The following SLC29A4 variants were observed in gnomAD, a reference collection of about 807,000 sequenced individuals.
The protein encoded by SLC29A4 is equilibrative nucleoside transporter 4.
A neutral mutation model predicts 43.9 loss-of-function variants in SLC29A4; 36 were observed. The ratio of observed to expected loss-of-function variants is 0.82; its 90% confidence interval spans 0.63 to 1.08. The LOEUF (loss-of-function observed/expected upper bound fraction) is 1.08. Among genes scored for constraint, SLC29A4 ranks in the 50% least tolerant of loss-of-function variants. The pLI, the probability that SLC29A4 is intolerant of heterozygous loss-of-function variation, is 0.00. For synonymous variants in SLC29A4, 491 were observed against 338.0 expected (o/e 1.45, Z -4.97); for missense variants, 869 against 755.3 (o/e 1.15, Z -1.77).
rs1363992071 is a variant in SLC29A4 at position 5,296,961 on chromosome 7, G to C, written c.645G>C (p.Leu215=). The C allele has an allele frequency of 3.1e-6, 5 of 1,590,322 alleles. No homozygotes were observed. Among genetic ancestry groups the C allele is most frequent in the Middle Eastern group, 2.2e-4 (1 of 4,476 alleles). The part of the protein sequence containing the change: ...GESTAGVMIS[L]SRILTKLLLP... ...GCACGGCGGGCGTGATGATCTCTCT[G>C]AGCCGCATCCTCACGAAGCTGCTGC... Residue 215 remains leucine, a synonymous_variant, in exon 7 of 11, where the codon CTG becomes CTC. Transcript: ENST00000396872.
chr7:5,293,645 C>G (rs559802699), intron 5 of SLC29A4, among the ~76,000 whole-genome samples: 12 of 151,942 alleles, frequency 7.9e-5, no homozygotes, highest in Non-Finnish European at 1.3e-4. Context: ...AATGCTGTGA[C>G]TAGATTTTAT....
chr7:5,297,087 C>T lies in SLC29A4; in HGVS notation c.771C>T (p.Phe257=), dbSNP rs769810424. 1.1e-5 allele frequency: 18 copies of T among 1,607,832 alleles called. No homozygotes were observed. The highest frequency in any genetic ancestry group is 6.7e-5 in the African/African-American group (5 of 74,890). ...ACCTGTTAGTGCGGCGCAGCCGCTT[C>T]GTGCTCTTCTATACCACACGGCCGC... The part of the protein sequence containing the change: ...LLHLLVRRSR[F]VLFYTTRPRD... The change falls in exon 7 of 11, where the codon TTC becomes TTT. Residue 257 remains phenylalanine, a synonymous_variant. Transcript: ENST00000396872.
At chr7:5,291,409 C>A (rs1785302619) in intron 4 of SLC29A4, among the ~76,000 whole-genome samples, 172 bp downstream of exon 4, 1 of 152,222 alleles carries the variant, frequency 6.6e-6, no homozygotes, top group Admixed American at 6.5e-5. Flanking sequence ...CCTCTGTACC[C>A]CAAGTCATGT....
At chr7:5,292,690 C>CGTTTTTTTTTTTTT in intron 5 of SLC29A4, among the ~76,000 whole-genome samples, 1 of 67,402 alleles carries the variant, frequency 1.5e-5, no homozygotes, top group Non-Finnish European at 2.6e-5. Flanking sequence ...CATTTTTTTC[C>CGTTTTTTTTTTTTT]TTTTTTTTTT....
rs1308557315 is a variant in SLC29A4 at position 5,306,572 on chromosome 7, G to C, written c.*3633G>C. On this transcript the variant is annotated 3_prime_UTR_variant, in exon 11 of 11. Transcript: ENST00000396872. ...TGGTCTCGAACTCCTGACTTCAAGT[G>C]ATCCGCCTGCCTTGGCCTCCCAAAG... 6.6e-6 allele frequency: 1 copy of C among 152,002 alleles called. No individual in the cohort carries two copies. Among genetic ancestry groups the C allele is most frequent in the African/African-American group, 2.4e-5 (1 of 41,378 alleles). The allele number at this position is 152,002 out of a possible 1,614,324, so 9.4% of individuals were successfully genotyped here.
chr7:5,284,338 G>C (rs1186676095), intron 1 of SLC29A4, among the ~76,000 whole-genome samples: 1 of 152,150 alleles, frequency 6.6e-6, no homozygotes, highest in African/African-American at 2.4e-5. Flanking sequence ...GTGCAGCTGA[G>C]CCTACCCCAC....
rs938158764 is a variant in SLC29A4, at chr7:5,284,329, T to C, written c.-9+1247T>C. ...GTGCAACTGTTGAATGCCTACTGTGTGCAGCTGAGCCTACCCCACCAGCCA... is the reference window on the plus strand; with the variant it reads ...GTGCAACTGTTGAATGCCTACTGTGCGCAGCTGAGCCTACCCCACCAGCCA... On this transcript the variant is annotated intron_variant, in intron 1 of 10. Transcript: ENST00000396872. Among the ~76,000 whole-genome samples, 9 of 152,230 alleles carry C rather than the reference T, an allele frequency of 5.9e-5. 1 individual carries two copies. The highest frequency in any genetic ancestry group is 3.9e-4 in the Admixed American group (6 of 15,296).
rs185981556 is a variant in SLC29A4 at position 5,299,319 on chromosome 7, G to A, written c.1101G>A (p.Thr367=). 8.7e-6 allele frequency: 14 copies of A among 1,612,014 alleles called. No homozygotes were observed. The highest frequency in any genetic ancestry group is 2.1e-4 in the Middle Eastern group (1 of 4,736). ...CCATCGCCGTGACCTACTTCATCAC[G>A]CTGTGCCTGTTCCCCGGCCTCGAGT... is the stretch of plus-strand genomic sequence containing the variant. The part of the protein sequence containing the change: ...MLSIAVTYFI[T]LCLFPGLESE... Residue 367 remains threonine (T), a synonymous_variant, in exon 9 of 11, where the codon ACG becomes ACA. Coordinates refer to ENST00000396872, the MANE Select transcript of SLC29A4 (RefSeq NM_153247.4).
chr7:5,290,395 C>T (rs1562443815), intron 2 of SLC29A4, among the ~76,000 whole-genome samples: 4 of 152,116 alleles, frequency 2.6e-5, no homozygotes, highest in African/African-American at 9.7e-5. Context: ...TGGGGTTTCA[C>T]CATGTTGGCC....
chr7:5,297,807 G>C (rs1785818064), intron 7 of SLC29A4, among the ~76,000 whole-genome samples: 1 of 152,196 alleles, frequency 6.6e-6, no homozygotes. Context: ...GGGAGGGCCA[G>C]GGGCTTGGTT....
intron 2 of SLC29A4, among the ~76,000 whole-genome samples, chr7:5,290,077 G>A (rs1158965065): frequency 8.9e-5 from 12 of 134,196 alleles, no homozygotes; most frequent in South Asian, 2.3e-4. Context: ...TTTTTGAGAC[G>A]GAGTCTCACT....
chr7:5,295,449 A>C (rs1562449035), intron 6 of SLC29A4, among the ~76,000 whole-genome samples: 1 of 151,964 alleles, frequency 6.6e-6, no homozygotes, highest in Non-Finnish European at 1.5e-5. Flanking sequence ...CTTCTCAGCA[A>C]ATGGCACCCC....
In SLC29A4 at chr7:5,302,976, G is replaced by T. The variant is rs767434849; in HGVS notation, c.*37G>T. ...CCACTGCCAGGGACGCCGAGGGCCT[G>T]ACCAGGGGCCCCGAGGCCTGAGGGC... On this transcript the variant is annotated 3_prime_UTR_variant, in exon 11 of 11. Transcript: ENST00000396872. 24 of 1,587,122 alleles carry T rather than the reference G, an allele frequency of 1.5e-5. No homozygotes were observed. Among genetic ancestry groups the T allele is most frequent in the Admixed American group, 1.4e-4 (8 of 56,328 alleles).
In SLC29A4 at chr7:5,284,377, C is replaced by T. The variant is rs548801497; in HGVS notation, c.-9+1295C>T. On this transcript the variant is annotated intron_variant, in intron 1 of 10. Transcript: ENST00000396872. The stretch of plus-strand genomic sequence containing the variant: ...CCACCCACCCAGTCCCTGTTTGTGA[C>T]GTACTCTCACCCTCTTCTTCCTCTA... Among the ~76,000 whole-genome samples the T allele has an allele frequency of 9.2e-5, 14 of 152,306 alleles. No homozygotes were observed. In the South Asian group the frequency reaches 1.0e-3, roughly 11 times the overall value.
intron 10 of SLC29A4, among the ~76,000 whole-genome samples, chr7:5,302,375 A>G (rs951069756): frequency 2.0e-5 from 3 of 152,152 alleles, no homozygotes; most frequent in African/African-American, 7.2e-5. Flanking sequence ...CGGAGTCTCT[A>G]CAAAAAAATT....
intron 5 of SLC29A4, among the ~76,000 whole-genome samples, chr7:5,293,504 A>T (rs60686412): frequency 0.057 from 8,618 of 152,082 alleles, 802 homozygotes; most frequent in African/African-American, 0.19. Flanking sequence ...TTTGACCATG[A>T]CTTCCAGGAA....
At chr7:5,294,584 A>G (rs1361881237) in intron 5 of SLC29A4, among the ~76,000 whole-genome samples, 2 of 152,140 alleles carry the variant, frequency 1.3e-5, no homozygotes, top group African/African-American at 4.8e-5. Flanking sequence ...GGAAGAAGAA[A>G]GGTTGAAAGT....
intron 10 of SLC29A4, among the ~76,000 whole-genome samples, chr7:5,302,475 C>T (rs1433430042): frequency 6.6e-6 from 1 of 152,108 alleles, no homozygotes; most frequent in Admixed American, 6.5e-5. Flanking sequence ...CCCAGGAGGT[C>T]AAGGCTGCAG....
chr7:5,293,162 CTTTTTTTT>C (rs58758343), intron 5 of SLC29A4, among the ~76,000 whole-genome samples: 2 of 117,282 alleles, frequency 1.7e-5, no homozygotes, highest in South Asian at 5.2e-4. Flanking sequence ...TTTTTTTTCT[CTTTTTTTT>C]TTTTTTTTTT....
Sources: allele counts gnomAD v4.1 joint callset (sites outside exome capture counted in the v4.1 genomes callset), GRCh38; gene constraint gnomAD v4.1.1; transcripts MANE v1.5; gene names NCBI Gene and HGNC (gene_info 2026-07-23, HGNC 2026-07-21).